RGS7: variants seen among roughly 807,000 people sequenced by gnomAD.
RGS7 encodes the protein regulator of G-protein signaling 7.
In RGS7, 27 loss-of-function variants were observed where a neutral mutation model predicts 81.1. The observed-to-expected ratio is 0.33, with a 90% confidence interval of 0.25 to 0.46. The LOEUF is 0.46. Among genes scored for constraint, RGS7 ranks in the 20% least tolerant of loss-of-function variants. The pLI is 1.00. For synonymous variants in RGS7, 208 were observed against 207.7 expected, an observed-to-expected ratio of 1.00 and a Z score of -0.01; for missense variants, 396 against 607.4, an observed-to-expected ratio of 0.65 and a Z score of 3.66.
At chr1:240,888,862 C>G (rs544139974) in intron 6 of RGS7, among the ~76,000 whole-genome samples, 1 of 152,046 alleles carries the variant, frequency 6.6e-6, no homozygotes, top group South Asian at 2.1e-4. Flanking sequence ...TTAGGGAACG[C>G]GGAGGCAGAG....
chr1:241,294,138 C>T (rs1387393098), intron 2 of RGS7, among the ~76,000 whole-genome samples: 2 of 152,184 alleles, frequency 1.3e-5, no homozygotes, highest in Non-Finnish European at 2.9e-5. Flanking sequence ...ATGTCCTTTG[C>T]TGGGACACGG....
intron 2 of RGS7, among the ~76,000 whole-genome samples, chr1:241,175,005 T>G (rs2071021088): frequency 6.8e-6 from 1 of 146,550 alleles, no homozygotes; most frequent in South Asian, 2.2e-4. Flanking sequence ...CAGGTTCAAG[T>G]GATTCTCCCG....
At chr1:241,068,238 G>GTGTGTGTGTATATATATATATATATATA in intron 3 of RGS7, among the ~76,000 whole-genome samples, 1 of 35,660 alleles carries the variant, frequency 2.8e-5, no homozygotes, top group African/African-American at 9.5e-5. Context: ...GTGTGTGTGT[G>GTGTGTGTGTATATATATATATATATATA]TATATATATA....
chr1:241,070,464 T>C (rs994987467), intron 3 of RGS7, among the ~76,000 whole-genome samples: 1 of 152,188 alleles, frequency 6.6e-6, no homozygotes. Context: ...TCTAGCCTCA[T>C]TGCACGACTG....
At position 240,825,157 on chromosome 1, in the gene RGS7, CT is replaced by C. The variant is rs1377903765; in HGVS notation, c.684+1940del. Among the ~76,000 whole-genome samples the C allele has an allele frequency of 3.9e-5, 6 of 152,310 alleles. No individual in the cohort carries two copies. In the East Asian group the frequency reaches 1.2e-3, roughly 29 times the overall value. ...TATCTCCTTGCTCAACACCTGCACC[CT>C]TATGAGACCATGAATTAGGGGAGCA... is the stretch of plus-strand genomic sequence containing the variant. On this transcript the variant is annotated intron_variant, in intron 10 of 18. Transcript: ENST00000440928.
chr1:241,089,061 CTCTATATATA>C (rs1472040601), intron 3 of RGS7, among the ~76,000 whole-genome samples: 32 of 36,900 alleles, frequency 8.7e-4, no homozygotes, highest in South Asian at 1.8e-3. Context: ...CTCTCTCTCT[CTCTATATATA>C]TATATATATA....
At chr1:241,327,381 C>T (rs1398410452) in intron 2 of RGS7, among the ~76,000 whole-genome samples, 2 of 151,974 alleles carry the variant, frequency 1.3e-5, no homozygotes, top group Non-Finnish European at 2.9e-5. Flanking sequence ...ATGATGAAGG[C>T]AATGAACTAA....
At chr1:241,118,375 C>T (rs533030676) in intron 2 of RGS7, among the ~76,000 whole-genome samples, 2 of 152,316 alleles carry the variant, frequency 1.3e-5, no homozygotes, top group South Asian at 2.1e-4. Context: ...GCTGTCTAAC[C>T]TCATAGTTTT....
intron 2 of RGS7, among the ~76,000 whole-genome samples, chr1:241,111,216 T>C (rs1024711990): frequency 6.6e-6 from 1 of 152,194 alleles, no homozygotes; most frequent in African/African-American, 2.4e-5. Context: ...ATAAATTCTG[T>C]ATGTAAATTA....
intron 3 of RGS7, among the ~76,000 whole-genome samples, chr1:241,015,078 C>T (rs557025020): frequency 6.6e-6 from 1 of 152,256 alleles, no homozygotes; most frequent in East Asian, 1.9e-4. Context: ...TTGAAAAATT[C>T]TCCCATTTCA....
intron 2 of RGS7, among the ~76,000 whole-genome samples, chr1:241,291,171 C>G (rs948283070): frequency 7.2e-5 from 11 of 152,126 alleles, no homozygotes; most frequent in Admixed American, 3.9e-4. Context: ...CAGAATGAAT[C>G]CAGGTGATAT....
intron 4 of RGS7, among the ~76,000 whole-genome samples, chr1:240,970,005 T>C (rs73123705): frequency 0.04 from 6,043 of 152,312 alleles, 406 homozygotes; most frequent in African/African-American, 0.14. Flanking sequence ...TTCAGAATAA[T>C]ATATATCAAG....
rs181906007 is a variant in RGS7, at chr1:241,215,514, G to A, written c.79-116752C>T. 3.9e-5 allele frequency among the ~76,000 whole-genome samples: 6 copies of A among 152,268 alleles called. No homozygotes were observed. In the East Asian group the frequency reaches 9.7e-4, roughly 25 times the overall value. ...AACCAAGGACTTGAGAGGAGTTTAC[G>A]TTCATATTGTGCAACCCCTCCTTCT... On this transcript the variant is annotated intron_variant, in intron 2 of 18. Coordinates refer to ENST00000440928, the MANE Select transcript of RGS7 (RefSeq NM_001364886.1).
In RGS7 at chr1:241,091,594, TAAAA is replaced by T. The variant is rs554243570; in HGVS notation, c.175+7068_175+7071del. Among the ~76,000 whole-genome samples the T allele has an allele frequency of 3.9e-3, 523 of 135,480 alleles. 3 individuals are homozygous for T. Among genetic ancestry groups the T allele is most frequent in the Middle Eastern group, 7.4e-3 (2 of 270 alleles). The allele number at this position is 135,480 out of a possible 152,430, so 88.9% of individuals were successfully genotyped here. On this transcript the variant is annotated intron_variant, in intron 3 of 18. Coordinates refer to ENST00000440928, the MANE Select transcript of RGS7 (RefSeq NM_001364886.1). ...ATAAATAAATAAATAAATAAATAAA[TAAAA>T]AAGCTGGCCGGATGCAATGGCTCGC...
At chr1:241,092,309 A>G (rs1019412089) in intron 3 of RGS7, among the ~76,000 whole-genome samples, 6 of 152,204 alleles carry the variant, frequency 3.9e-5, no homozygotes, top group Admixed American at 2.6e-4. Context: ...TCTTTTATTC[A>G]TAAACTTTTA....
intron 4 of RGS7, among the ~76,000 whole-genome samples, chr1:240,968,991 C>A: frequency 6.6e-6 from 1 of 152,086 alleles, no homozygotes; most frequent in Non-Finnish European, 1.5e-5. Flanking sequence ...ATAAAGGGAC[C>A]TGACTTTTCA....
At chr1:240,855,912 G>T (rs1661034285) in intron 9 of RGS7, among the ~76,000 whole-genome samples, 1 of 151,958 alleles carries the variant, frequency 6.6e-6, no homozygotes, top group African/African-American at 2.4e-5. Flanking sequence ...GAAAAAAATT[G>T]TCATCTCTTT....
chr1:241,178,392 A>C (rs1352602144), intron 2 of RGS7, among the ~76,000 whole-genome samples: 2 of 152,186 alleles, frequency 1.3e-5, no homozygotes, highest in Non-Finnish European at 1.5e-5. Flanking sequence ...GAATCGTAAA[A>C]ATTTGGATGC....
At chr1:241,023,487 T>C (rs2059639874) in intron 3 of RGS7, among the ~76,000 whole-genome samples, 1 of 152,210 alleles carries the variant, frequency 6.6e-6, no homozygotes, top group Non-Finnish European at 1.5e-5. Flanking sequence ...GTCCTAGTTG[T>C]AAAACTACCT....
Sources: gnomAD v4.1 joint callset for allele counts (sites outside exome capture counted in the v4.1 genomes callset) on GRCh38, gnomAD v4.1.1 for gene constraint, MANE v1.5 for transcripts, NCBI Gene and HGNC (gene_info 2026-07-23, HGNC 2026-07-21) for gene names.